NCOA4: variants seen among roughly 807,000 people sequenced by gnomAD.
The protein encoded by NCOA4 is nuclear receptor coactivator 4.
In NCOA4, 31 loss-of-function variants were observed where a neutral mutation model predicts 69.5. That is an observed-to-expected ratio of 0.45 (90% CI 0.34 to 0.60). The LOEUF is 0.60. NCOA4 is among the 20% of genes least tolerant of loss of function. NCOA4 has a pLI of 0.02. For synonymous variants in NCOA4, 228 were observed against 252.4 expected, an observed-to-expected ratio of 0.90 and a Z score of 0.92; for missense variants, 600 against 719.2, an observed-to-expected ratio of 0.83 and a Z score of 1.90.
In NCOA4 at chr10:46,009,456, C is replaced by T. The variant is rs371100620; in HGVS notation, c.1794G>A (p.Gln598=). Residue 598 remains glutamine, a synonymous_variant, in exon 9 of 10, where the codon CAG becomes CAA. Coordinates refer to ENST00000581486, the MANE Select transcript of NCOA4 (RefSeq NM_001145263.2). ...ACCACTTCTCTTTATCAACTTTAAGCTGCATACAGGCAAAGAGATCACAAA... is the reference window on the plus strand; with the variant it reads ...ACCACTTCTCTTTATCAACTTTAAGTTGCATACAGGCAAAGAGATCACAAA... ...PAVCDLFACM[Q]LKVDKEKWLY... is the part of the protein sequence containing the mutation. The T allele has an allele frequency of 6.2e-7, 1 of 1,613,014 alleles. No individual in the cohort carries two copies. Among genetic ancestry groups the T allele is most frequent in the Non-Finnish European group, 8.5e-7 (1 of 1,180,008 alleles).
Position 46,009,558 on chromosome 10 carries a change from TAAAAG to T in NCOA4, c.1699-12_1699-8del, listed in dbSNP as rs759095036. On this transcript the variant is annotated splice_polypyrimidine_tract_variant and splice_region_variant and intron_variant, in intron 8 of 9. Coordinates refer to ENST00000581486, the MANE Select transcript of NCOA4 (RefSeq NM_001145263.2). The stretch of plus-strand genomic sequence containing the variant: ...GTGAATTAAGTAATACTTCCTGCAA[TAAAAG>T]AAAAGAGTAGGTTGCTTCATGAAAA... 2.7e-5 allele frequency: 44 copies of T among 1,602,506 alleles called. No individual in the cohort carries two copies. The highest frequency in any genetic ancestry group is 1.2e-4 in the African/African-American group (9 of 74,254).
intron 1 of NCOA4, among the ~76,000 whole-genome samples, chr10:46,029,554 T>C (rs1840345761): frequency 6.6e-6 from 1 of 152,186 alleles, no homozygotes; most frequent in Admixed American, 6.5e-5. Flanking sequence ...ATAAACTTAG[T>C]TCCAAATTAC....
At chr10:46,009,875 T>C (rs1839097235) in intron 8 of NCOA4, among the ~76,000 whole-genome samples, 1 of 152,160 alleles carries the variant, frequency 6.6e-6, no homozygotes, top group Non-Finnish European at 1.5e-5. Context: ...TTATGAAATA[T>C]GAAACTCTAG....
Position 46,006,308 on chromosome 10 carries a change from A to G in NCOA4, c.*284T>C, listed in dbSNP as rs781911213. 8.4e-6 allele frequency: 4 copies of G among 476,196 alleles called. No homozygotes were observed. The highest frequency in any genetic ancestry group is 1.5e-5 in the Non-Finnish European group (4 of 262,862). 29.5% of individuals were successfully genotyped at this position (476,196 alleles called of 1,614,324 possible). A position where few individuals can be genotyped will look rare whatever the true frequency, so the allele number is the denominator to read the frequency against. On this transcript the variant is annotated 3_prime_UTR_variant, in exon 10 of 10. Coordinates refer to ENST00000581486, the MANE Select transcript of NCOA4 (RefSeq NM_001145263.2). ...TCTAAGGAGCCTTGGAGGCTTGTGA[A>G]AAAGACGTCCACAAAGATGCTGCAT...
At chr10:46,025,894 T>C (rs1554925449) in intron 1 of NCOA4, among the ~76,000 whole-genome samples, 1 of 152,210 alleles carries the variant, frequency 6.6e-6, no homozygotes, top group Non-Finnish European at 1.5e-5. Context: ...GCTTTGTACA[T>C]CCTAATACTA....
chr10:46,009,068 G>T, intron 9 of NCOA4: 1 of 1,142,298 alleles, frequency 8.8e-7, no homozygotes, highest in Non-Finnish European at 1.3e-6. Context: ...AAGTATTTGT[G>T]TAGCTCTCTT....
Position 46,010,781 on chromosome 10 carries a change from G to A in NCOA4, c.1140C>T (p.Ser380=), listed in dbSNP as rs781881668. The A allele has an allele frequency of 3.7e-6, 6 of 1,613,806 alleles. No individual in the cohort carries two copies. The East Asian group carries it at 1.1e-4, about 30-fold the overall frequency. The change falls in exon 8 of 10, where the codon TCC becomes TCT. Residue 380 remains serine, a synonymous_variant. Transcript: ENST00000581486. ...NDHLEAKKPL[S]TPSMVTEDWL... ...AATCCTCTGTAACCATGCTGGGGGT[G>A]GACAATGGTTTCTTGGCCTCCAAGT...
intron 9 of NCOA4, among the ~76,000 whole-genome samples, chr10:46,008,887 C>T (rs1484330935): frequency 1.3e-5 from 2 of 152,178 alleles, no homozygotes; most frequent in African/African-American, 4.8e-5. Flanking sequence ...AGGCAAGAAC[C>T]TCCAACAGCA....
At position 46,006,237 on chromosome 10, in the gene NCOA4, C is replaced by G. The variant is rs1354910770; in HGVS notation, c.*355G>C. The G allele has an allele frequency of 1.5e-5, 5 of 324,350 alleles. No homozygotes were observed. The South Asian group carries it at 3.5e-4, about 23-fold the overall frequency. The allele number at this position is 324,350 out of a possible 1,614,324, so 20.1% of individuals were successfully genotyped here. The stretch of plus-strand genomic sequence containing the variant: ...ACTAGCTTTAGAATACATCAATATA[C>G]TTCGATAAACAAGAGTGTTTTAATG... On this transcript the variant is annotated 3_prime_UTR_variant, in exon 10 of 10. Transcript: ENST00000581486.
chr10:46,005,684 G>A lies in NCOA4; in HGVS notation c.*908C>T, dbSNP rs1554919411. On this transcript the variant is annotated 3_prime_UTR_variant, in exon 10 of 10. Transcript: ENST00000581486. The stretch of plus-strand genomic sequence containing the variant: ...TATGCTGTGCTTGCAGTGAGAGGAT[G>A]ACTTTATCCCTACTTAAAAGCACCA... 2 of 218,178 alleles carry A rather than the reference G, an allele frequency of 9.2e-6. No homozygotes were observed. The highest frequency in any genetic ancestry group is 6.8e-5 in the East Asian group (1 of 14,800). 13.5% of individuals were successfully genotyped at this position (218,178 alleles called of 1,614,324 possible).
intron 1 of NCOA4, among the ~76,000 whole-genome samples, chr10:46,019,934 C>G (rs1336843190): frequency 1.3e-5 from 2 of 152,194 alleles, no homozygotes; most frequent in South Asian, 2.1e-4. Flanking sequence ...CTTTGGCTCT[C>G]TCTGTCCCTC....
intron 5 of NCOA4, 67 bp from the exon 6 acceptor site, chr10:46,013,706 C>A: frequency 1.7e-6 from 2 of 1,146,722 alleles, no homozygotes; most frequent in Non-Finnish European, 1.3e-6. Flanking sequence ...AATTATAATT[C>A]CAAATTTCAA....
intron 1 of NCOA4, among the ~76,000 whole-genome samples, chr10:46,019,964 T>G (rs533543120): frequency 2.0e-4 from 31 of 152,296 alleles, no homozygotes; most frequent in Non-Finnish European, 3.8e-4. Context: ...GTGGCGCAGT[T>G]AGAGCACTGT....
chr10:46,018,874 C>T (rs1460965434), intron 1 of NCOA4, among the ~76,000 whole-genome samples: 3 of 152,158 alleles, frequency 2.0e-5, no homozygotes, highest in Non-Finnish European at 2.9e-5. Context: ...AGGAACTTTG[C>T]CAGGCCTTGA....
chr10:46,010,957 G>A lies in NCOA4; in HGVS notation c.964C>T (p.Arg322Cys), dbSNP rs782056447. The change falls in exon 8 of 10, where the codon CGT (arginine) becomes TGT (cysteine). Residue 322 changes from arginine (R) to cysteine (C), a missense_variant. By Grantham distance (180) the Arg-to-Cys change is radical. Transcript: ENST00000581486. ...HKLRKPENGS[R>C]ETSEKFKLLF... Reference sequence around the variant, plus strand: ...AGCTTAAACTTCTCACTGGTTTCACGACTGCCATTCTCAGGCTTCCGCAGC... The same window carrying A: ...AGCTTAAACTTCTCACTGGTTTCACAACTGCCATTCTCAGGCTTCCGCAGC... 31 of 1,613,788 alleles carry A rather than the reference G, an allele frequency of 1.9e-5. No individual in the cohort carries two copies. The highest frequency in any genetic ancestry group is 1.3e-5 in the African/African-American group (1 of 74,894).
At chr10:46,009,118 A>AC (rs1322981274) in intron 9 of NCOA4, 1 of 1,531,010 alleles carries the variant, frequency 6.5e-7, no homozygotes, top group Non-Finnish European at 8.9e-7. Flanking sequence ...CTGGAACCAA[A>AC]CCCACCTTCG....
intron 9 of NCOA4, among the ~76,000 whole-genome samples, chr10:46,007,056 C>CA (rs1408639850): frequency 3.5e-4 from 54 of 152,270 alleles, no homozygotes; most frequent in Admixed American, 2.0e-3. Flanking sequence ...AGCACAAAAG[C>CA]AAAGTTTTTT....
chr10:46,013,215 A>G (rs1839338894), intron 6 of NCOA4, among the ~76,000 whole-genome samples, 189 bp from the exon 7 acceptor site: 1 of 152,208 alleles, frequency 6.6e-6, no homozygotes, highest in African/African-American at 2.4e-5. Flanking sequence ...ACTAAAACAT[A>G]TAGAAACCTT....
rs781783510 is a variant in NCOA4, at chr10:46,010,433, C to T, written c.1488G>A (p.Glu496=). The change falls in exon 8 of 10, where the codon GAG becomes GAA. Residue 496 remains glutamate (E), a synonymous_variant. Transcript: ENST00000581486. ...FQVIKNSPLS[E]WLIRPPYKEG... ...CTTTGTATGGGGGCCTGATAAGCCA[C>T]TCCGACAAGGGGCTGTTCTTTATGA... 4 of 1,614,088 alleles carry T rather than the reference C, an allele frequency of 2.5e-6. No homozygotes were observed. The highest frequency in any genetic ancestry group is 4.5e-5 in the East Asian group (2 of 44,894).
Sources: allele counts gnomAD v4.1 joint callset (sites outside exome capture counted in the v4.1 genomes callset), GRCh38; gene constraint gnomAD v4.1.1; transcripts MANE v1.5; gene names NCBI Gene and HGNC (gene_info 2026-07-23, HGNC 2026-07-21).